Variants in AGBL1 observed in about 807,000 individuals in gnomAD.
AGBL1 encodes cytosolic carboxypeptidase 4.
Under a neutral mutation model 118.9 loss-of-function variants are expected in AGBL1, and 130 were observed. That is an observed-to-expected ratio of 1.09 (90% CI 0.95 to 1.26). The LOEUF (loss-of-function observed/expected upper bound fraction) is 1.26. AGBL1 is among the 50% of genes most tolerant of loss of function. The probability of loss-of-function intolerance (pLI) is 0.00; values close to 1 mark genes in which losing one functional copy is unlikely to be tolerated. For synonymous variants in AGBL1, 555 were observed against 478.9 expected, an observed-to-expected ratio of 1.16 and a Z score of -2.08; for missense variants, 1,584 against 1,298.1, an observed-to-expected ratio of 1.22 and a Z score of -3.38.
At chr15:86,767,739 G>C (rs778991986) in intron 22 of AGBL1, among the ~76,000 whole-genome samples, 5 of 151,932 alleles carry the variant, frequency 3.3e-5, no homozygotes, top group Non-Finnish European at 7.4e-5. Context: ...ACTAAGAACA[G>C]AGATTTTAAA....
At chr15:86,631,869 T>C (rs1439636137) in intron 21 of AGBL1, among the ~76,000 whole-genome samples, 1 of 152,160 alleles carries the variant, frequency 6.6e-6, no homozygotes, top group Non-Finnish European at 1.5e-5. Flanking sequence ...TCTCATTGGG[T>C]TCCCTGCTTC....
At chr15:86,728,729 T>C (rs1331430063) in intron 22 of AGBL1, among the ~76,000 whole-genome samples, 1 of 152,184 alleles carries the variant, frequency 6.6e-6, no homozygotes, top group Non-Finnish European at 1.5e-5. Context: ...GTTCACATCT[T>C]TTAAAATTTT....
At chr15:86,226,638 T>G (rs7179974) in intron 6 of AGBL1, among the ~76,000 whole-genome samples, 22,562 of 152,192 alleles carry the variant, frequency 0.15, 2,205 homozygotes, top group South Asian at 0.27. Context: ...CAATAGCCAG[T>G]GCAAACACGG....
chr15:87,006,577 A>C (rs2081506852), intron 24 of AGBL1, among the ~76,000 whole-genome samples: 1 of 152,126 alleles, frequency 6.6e-6, no homozygotes, highest in Non-Finnish European at 1.5e-5. Flanking sequence ...CTGATTTTCC[A>C]GGTGTCATCT....
At chr15:86,916,382 A>G (rs986508317), downstream of AGBL1, among the ~76,000 whole-genome samples, 2 of 152,092 alleles carry the variant, frequency 1.3e-5, no homozygotes, top group African/African-American at 4.8e-5. Context: ...TGTGAGAACG[A>G]TGAAAGGAGT....
intron 14 of AGBL1, among the ~76,000 whole-genome samples, 175 bp downstream of exon 14, chr15:86,270,242 G>C (rs2079137734): frequency 6.6e-6 from 1 of 152,168 alleles, no homozygotes. Context: ...TGCTACTTTA[G>C]AGGGGAGGCT....
intron 17 of AGBL1, among the ~76,000 whole-genome samples, chr15:86,394,958 G>C (rs915985556): frequency 6.6e-6 from 1 of 152,044 alleles, no homozygotes; most frequent in South Asian, 2.1e-4. Context: ...CAAAAATCAG[G>C]GTCCTGGTAA....
At chr15:86,262,949 G>T (rs1457050774) in intron 10 of AGBL1, 55 bp downstream of exon 10, 3 of 1,372,110 alleles carry the variant, frequency 2.2e-6, no homozygotes. Context: ...GTTCTTTGCA[G>T]ATCCTGGGAG....
chr15:86,796,869 G>C (rs1254847136), intron 22 of AGBL1, among the ~76,000 whole-genome samples: 1 of 152,128 alleles, frequency 6.6e-6, no homozygotes, highest in Admixed American at 6.5e-5. Context: ...AGGAAGAAAG[G>C]GCTTTCTAAG....
Position 86,256,916 on chromosome 15 carries a change from T to A in AGBL1, c.799T>A (p.Cys267Ser). 1 of 1,613,960 alleles carries A rather than the reference T, an allele frequency of 6.2e-7. No homozygotes were observed. Residue 267 changes from cysteine (C) to serine (S), a missense_variant, in exon 8 of 23, where the codon TGC becomes AGC. Coordinates refer to ENST00000614907, the MANE Select transcript of AGBL1 (RefSeq NM_001386094.1). ...TGTGGTGCTTCAGATCCTGAGGCAG[T>A]GCTACCCTACGAGTCCACTTCCCTT... ...ISVVLQILRQ[C>S]YPTSPLPLVT...
At chr15:86,429,520 G>A (rs1051517131) in intron 18 of AGBL1, among the ~76,000 whole-genome samples, 1 of 152,200 alleles carries the variant, frequency 6.6e-6, no homozygotes, top group Non-Finnish European at 1.5e-5. Context: ...GACTCACAAT[G>A]TAAATCTGAC....
intron 17 of AGBL1, among the ~76,000 whole-genome samples, chr15:86,322,579 A>G (rs2080120550): frequency 6.6e-6 from 1 of 152,066 alleles, no homozygotes; most frequent in African/African-American, 2.4e-5. Context: ...TTTATTTGTA[A>G]TATCGCATTA....
intron 1 of AGBL1, among the ~76,000 whole-genome samples, chr15:86,100,414 T>A (rs1015191128): frequency 6.6e-6 from 1 of 152,136 alleles, no homozygotes; most frequent in Non-Finnish European, 1.5e-5. Context: ...TGTTGTTAGT[T>A]TGGTAGAATT....
chr15:86,221,582 C>G (rs79593865), intron 5 of AGBL1, among the ~76,000 whole-genome samples: 3,025 of 152,046 alleles, frequency 0.02, 104 homozygotes, highest in African/African-American at 0.068. Flanking sequence ...CTGAATAAAC[C>G]AAAAATCAAG....
intron 23 of AGBL1, among the ~76,000 whole-genome samples, chr15:86,926,012 G>A (rs910354272): frequency 3.3e-5 from 5 of 152,082 alleles, no homozygotes; most frequent in African/African-American, 9.7e-5. Context: ...TTATAGGTGC[G>A]AAAAGGAGAG....
At chr15:86,783,997 GA>G (rs1369159956) in intron 22 of AGBL1, among the ~76,000 whole-genome samples, 6 of 152,172 alleles carry the variant, frequency 3.9e-5, no homozygotes, top group African/African-American at 1.2e-4. Context: ...GTAGAAGTAA[GA>G]ACATGGATTT....
rs868639696 is a variant in AGBL1 at position 86,545,861 on chromosome 15, C to G, written c.2686-141C>G. 22 of 986,860 alleles carry G rather than the reference C, an allele frequency of 2.2e-5. No homozygotes were observed. The African/African-American group carries it at 2.8e-4, about 13-fold the overall frequency. 61.1% of individuals were successfully genotyped at this position (986,860 alleles called of 1,614,324 possible). A position where few individuals can be genotyped will look rare whatever the true frequency, so the allele number is the denominator to read the frequency against. On this transcript the variant is annotated intron_variant, in intron 19 of 22. Coordinates refer to ENST00000614907, the MANE Select transcript of AGBL1 (RefSeq NM_001386094.1). The stretch of plus-strand genomic sequence containing the variant: ...CACCAGTGATCCGCACATGGCTGGT[C>G]TGCTAACTCAACAGCATCCGAGAAA...
rs144197219 is a variant in AGBL1 at position 86,167,826 on chromosome 15, T to A, written c.488+8800T>A. 2.0e-5 allele frequency among the ~76,000 whole-genome samples: 3 copies of A among 152,238 alleles called. No individual in the cohort carries two copies. In the East Asian group the frequency reaches 5.8e-4, roughly 29 times the overall value. ...GCAGAGATTGTAGGATGAGGACAGATTGAAAGCTTTCTGCCTAAGTTCAAT... is the reference window on the plus strand; with the variant it reads ...GCAGAGATTGTAGGATGAGGACAGAATGAAAGCTTTCTGCCTAAGTTCAAT... On this transcript the variant is annotated intron_variant, in intron 5 of 22. Coordinates refer to ENST00000614907, the MANE Select transcript of AGBL1 (RefSeq NM_001386094.1).
chr15:86,173,382 T>C (rs986736259), intron 5 of AGBL1: 1 of 152,124 alleles, frequency 6.6e-6, no homozygotes, highest in Non-Finnish European at 1.5e-5. Flanking sequence ...TTTTTTTTCA[T>C]TCAGCAGGTT....
Sources: gnomAD v4.1 joint callset for allele counts (sites outside exome capture counted in the v4.1 genomes callset) on GRCh38, gnomAD v4.1.1 for gene constraint, MANE v1.5 for transcripts, NCBI Gene and HGNC (gene_info 2026-07-23, HGNC 2026-07-21) for gene names.